MCTP1: variants seen among roughly 807,000 people sequenced by gnomAD.
MCTP1 encodes the protein multiple C2 and transmembrane domain containing 1.
A neutral mutation model predicts 120.6 loss-of-function variants in MCTP1; 69 were observed. The observed-to-expected ratio is 0.57, with a 90% CI of 0.47 to 0.70. The LOEUF is 0.70. MCTP1 is among the 30% of genes least tolerant of loss of function. The probability of loss-of-function intolerance (pLI) is 0.00; values close to 1 mark genes in which losing one functional copy is unlikely to be tolerated. For missense variants in MCTP1, 1,203 were observed against 1,248.8 expected (o/e 0.96, Z 0.55); for synonymous variants, 529 against 493.1 (o/e 1.07, Z -0.96).
At chr5:94,732,346 C>A (rs976698038) in intron 19 of MCTP1, among the ~76,000 whole-genome samples, 2 of 151,492 alleles carry the variant, frequency 1.3e-5, no homozygotes, top group African/African-American at 4.9e-5. Flanking sequence ...TTTCTTAGCT[C>A]ATTAGCTGTT....
intron 19 of MCTP1, among the ~76,000 whole-genome samples, chr5:94,718,623 G>A (rs1014424659): frequency 6.6e-6 from 1 of 151,906 alleles, no homozygotes; most frequent in Non-Finnish European, 1.5e-5. Flanking sequence ...TCTGACAAAG[G>A]TCTAATATCC....
intron 1 of MCTP1, among the ~76,000 whole-genome samples, chr5:95,116,493 T>C (rs1440697613): frequency 1.3e-5 from 2 of 152,198 alleles, no homozygotes; most frequent in East Asian, 3.8e-4. Flanking sequence ...TTCTTTTTGC[T>C]TAGGATTGTC....
intron 1 of MCTP1, among the ~76,000 whole-genome samples, chr5:95,105,260 T>C (rs991448322): frequency 1.3e-5 from 2 of 152,286 alleles, no homozygotes; most frequent in Non-Finnish European, 2.9e-5. Flanking sequence ...TAAAGGGAAG[T>C]GCACTGTTCA....
chr5:94,792,444 G>A (rs564150386), intron 18 of MCTP1: 1 of 152,394 alleles, frequency 6.6e-6, no homozygotes, highest in South Asian at 2.1e-4. Flanking sequence ...GGGTGAATAG[G>A]AGTTAAAGCA....
chr5:95,163,181 G>A (rs1408043076), intron 1 of MCTP1, among the ~76,000 whole-genome samples: 4 of 152,084 alleles, frequency 2.6e-5, no homozygotes, highest in African/African-American at 9.7e-5. Context: ...TATAGTGAAG[G>A]AAAGGTGTCA....
intron 10 of MCTP1, among the ~76,000 whole-genome samples, chr5:94,895,572 G>A (rs1323934290): frequency 1.3e-5 from 2 of 152,176 alleles, no homozygotes. Context: ...AAAGGTGGCA[G>A]GCATGAGTGA....
intron 1 of MCTP1, among the ~76,000 whole-genome samples, chr5:95,144,974 G>A (rs12658260): frequency 0.13 from 20,428 of 152,096 alleles, 1,469 homozygotes; most frequent in Middle Eastern, 0.22. Context: ...CATTGAATCT[G>A]TAAATTGCTT....
intron 19 of MCTP1, among the ~76,000 whole-genome samples, chr5:94,751,907 A>G (rs988643921): frequency 2.7e-5 from 4 of 145,526 alleles, no homozygotes; most frequent in African/African-American, 7.5e-5. Flanking sequence ...GAATTGAACA[A>G]TGAGAACACA....
At chr5:95,242,200 A>G (rs1292663742) in intron 1 of MCTP1, among the ~76,000 whole-genome samples, 2 of 152,034 alleles carry the variant, frequency 1.3e-5, no homozygotes, top group East Asian at 1.9e-4. Context: ...AGTTTGTTAC[A>G]TTTTTCTTTA....
At chr5:95,125,285 C>T (rs1562163435) in intron 1 of MCTP1, among the ~76,000 whole-genome samples, 1 of 152,164 alleles carries the variant, frequency 6.6e-6, no homozygotes, top group Non-Finnish European at 1.5e-5. Flanking sequence ...TCCAAGTGGA[C>T]CACTTGTCTG....
chr5:95,231,825 G>A (rs1232279136), intron 1 of MCTP1, among the ~76,000 whole-genome samples: 1 of 152,110 alleles, frequency 6.6e-6, no homozygotes, highest in Admixed American at 6.5e-5. Flanking sequence ...TAAATGTCAA[G>A]AAGGGAAAAT....
intron 1 of MCTP1, among the ~76,000 whole-genome samples, chr5:95,093,930 A>C (rs2152347254): frequency 6.6e-6 from 1 of 152,316 alleles, no homozygotes; most frequent in East Asian, 1.9e-4. Flanking sequence ...GCTCATGGAG[A>C]GGTCTACGTG....
At chr5:94,900,902 A>C (rs918283835) in intron 10 of MCTP1, among the ~76,000 whole-genome samples, 1 of 152,230 alleles carries the variant, frequency 6.6e-6, no homozygotes, top group African/African-American at 2.4e-5. Context: ...GTACTTTGAA[A>C]AGTTGAAAGT....
intron 13 of MCTP1, 151 bp downstream of exon 13, chr5:94,872,988 A>G (rs1798104126): frequency 1.6e-6 from 1 of 610,110 alleles, no homozygotes; most frequent in African/African-American, 1.9e-5. Context: ...GGAAGGTAGG[A>G]GGAAAATTCA....
intron 16 of MCTP1, among the ~76,000 whole-genome samples, chr5:94,868,910 G>A (rs1581117572): frequency 1.3e-5 from 2 of 151,970 alleles, no homozygotes; most frequent in African/African-American, 4.8e-5. Flanking sequence ...ACAACAAAAT[G>A]TCTTCACCAT....
intron 1 of MCTP1, among the ~76,000 whole-genome samples, chr5:95,084,490 T>G (rs1457066412): frequency 6.6e-6 from 1 of 150,772 alleles, no homozygotes; most frequent in African/African-American, 2.4e-5. Flanking sequence ...GGAAGCTGCA[T>G]TAGAATCTCC....
intron 10 of MCTP1, among the ~76,000 whole-genome samples, chr5:94,903,459 C>G (rs1229032636): frequency 6.6e-6 from 1 of 152,168 alleles, no homozygotes; most frequent in Non-Finnish European, 1.5e-5. Context: ...CATTTGTGTT[C>G]ATCTAAACAG....
At chr5:95,032,344 G>T (rs1840460079) in intron 1 of MCTP1, among the ~76,000 whole-genome samples, 1 of 152,014 alleles carries the variant, frequency 6.6e-6, no homozygotes, top group African/African-American at 2.4e-5. Context: ...TCGTCATAAA[G>T]CAAGTCCCAA....
At chr5:94,797,088 GA>G (rs1402159982) in intron 18 of MCTP1, among the ~76,000 whole-genome samples, 6 of 152,110 alleles carry the variant, frequency 3.9e-5, no homozygotes, top group Non-Finnish European at 7.4e-5. Flanking sequence ...AAAATTATAT[GA>G]TATGCAATTT....
Sources: allele counts gnomAD v4.1 joint callset (sites outside exome capture counted in the v4.1 genomes callset), GRCh38; gene constraint gnomAD v4.1.1; transcripts MANE v1.5; gene names NCBI Gene and HGNC (gene_info 2026-07-23, HGNC 2026-07-21).